The following NTRK2 variants were observed in gnomAD, a reference collection of about 807,000 sequenced individuals.
The protein encoded by NTRK2 is BDNF/NT-3 growth factors receptor.
Under a neutral mutation model 94.5 loss-of-function variants are expected in NTRK2, and 13 were observed. The ratio of observed to expected loss-of-function variants is 0.14; its 90% CI spans 0.09 to 0.22. The LOEUF is 0.22. Ranked by LOEUF, NTRK2 falls within the 10% of genes least tolerant of loss-of-function variation. The probability of loss-of-function intolerance (pLI) is 1.00; values close to 1 mark genes in which losing one functional copy is unlikely to be tolerated. For missense variants in NTRK2, 639 were observed against 1,071.2 expected, an observed-to-expected ratio of 0.60 and a Z score of 5.63; for synonymous variants, 372 against 407.4, an observed-to-expected ratio of 0.91 and a Z score of 1.05.
chr9:84,918,805 C>T (rs533773686), intron 14 of NTRK2, among the ~76,000 whole-genome samples: 1 of 152,182 alleles, frequency 6.6e-6, no homozygotes, highest in African/African-American at 2.4e-5. Flanking sequence ...ATTTTCATCA[C>T]TACCACTATA....
chr9:84,795,842 G>T (rs1477782506), intron 12 of NTRK2, among the ~76,000 whole-genome samples: 1 of 152,152 alleles, frequency 6.6e-6, no homozygotes, highest in Non-Finnish European at 1.5e-5. Flanking sequence ...GGGAGGTTTG[G>T]CTGCTCTCCT....
chr9:84,813,076 C>T (rs2071992692), intron 12 of NTRK2: 1 of 1,039,334 alleles, frequency 9.6e-7, no homozygotes, highest in Non-Finnish European at 1.2e-6. Context: ...TTAGAGCTTC[C>T]TAATGCATGT....
intron 12 of NTRK2, among the ~76,000 whole-genome samples, chr9:84,816,668 A>G (rs1389503589): frequency 3.3e-5 from 5 of 149,820 alleles, no homozygotes; most frequent in Non-Finnish European, 7.4e-5. Context: ...AATCTCACCT[A>G]TTCAGGAGGC....
rs1301754261 is a variant in NTRK2 at position 85,025,787 on chromosome 9, C to T, written c.*4350C>T. On this transcript the variant is annotated 3_prime_UTR_variant, in exon 19 of 19. Transcript: ENST00000277120. ...ATCTCATGAGAGGAATGGCTAGTGA[C>T]CCAACTCTCCAAATGTCTAAGTTAG... 4.3e-6 allele frequency: 1 copy of T among 232,892 alleles called. No individual in the cohort carries two copies. The highest frequency in any genetic ancestry group is 8.5e-6 in the Non-Finnish European group (1 of 117,946). The allele number at this position is 232,892 out of a possible 1,614,324, so 14.4% of individuals were successfully genotyped here.
chr9:84,945,954 T>C (rs974387669), intron 15 of NTRK2, among the ~76,000 whole-genome samples: 4 of 152,086 alleles, frequency 2.6e-5, no homozygotes, highest in African/African-American at 9.7e-5. Context: ...TCAGATCTGC[T>C]CCCTGGGGAA....
At chr9:84,675,852 A>G (rs1221841748) in intron 2 of NTRK2, among the ~76,000 whole-genome samples, 1 of 152,130 alleles carries the variant, frequency 6.6e-6, no homozygotes, top group East Asian at 1.9e-4. Context: ...ATCAATCTCC[A>G]TTAGAAAAGT....
intron 17 of NTRK2, among the ~76,000 whole-genome samples, chr9:84,982,746 T>C (rs541034726): frequency 3.3e-5 from 5 of 152,358 alleles, no homozygotes; most frequent in Admixed American, 2.6e-4. Flanking sequence ...GACAACTGTT[T>C]GACGTTCACC....
rs532074714 is a variant in NTRK2 at position 84,910,899 on chromosome 9, A to G, written c.1634-23263A>G. ...CTGTATGAATTTTGAATTTCCATAT[A>G]CATTTCAGAATAGTGTTGTCAATAT... On this transcript the variant is annotated intron_variant, in intron 14 of 18. Coordinates refer to ENST00000277120, the MANE Select transcript of NTRK2 (RefSeq NM_006180.6). Among the ~76,000 whole-genome samples the G allele has an allele frequency of 3.3e-5, 5 of 152,298 alleles. No individual in the cohort carries two copies. The South Asian group carries it at 1.0e-3, about 32-fold the overall frequency.
At chr9:84,772,926 C>T (rs1237781723) in intron 12 of NTRK2, among the ~76,000 whole-genome samples, 1 of 152,112 alleles carries the variant, frequency 6.6e-6, no homozygotes, top group East Asian at 1.9e-4. Context: ...GCCTTTGTGC[C>T]CTGCTGTGGG....
chr9:84,757,680 T>C (rs2065204877), intron 12 of NTRK2, among the ~76,000 whole-genome samples: 1 of 152,230 alleles, frequency 6.6e-6, no homozygotes, highest in African/African-American at 2.4e-5. Context: ...ATAAACCACT[T>C]GGGAATGTTT....
chr9:84,802,872 T>G (rs149676384), intron 12 of NTRK2, among the ~76,000 whole-genome samples: 1,723 of 152,306 alleles, frequency 0.011, 14 homozygotes, highest in South Asian at 0.041. Flanking sequence ...GCGTGGATTC[T>G]GTGCTCGTGA....
intron 9 of NTRK2, among the ~76,000 whole-genome samples, chr9:84,731,786 A>G (rs1036221730): frequency 6.6e-6 from 1 of 152,128 alleles, no homozygotes; most frequent in Admixed American, 6.5e-5. Context: ...GGCAGGCATT[A>G]AAAGAGAGCG....
intron 11 of NTRK2, among the ~76,000 whole-genome samples, chr9:84,749,589 G>GT (rs141256006): frequency 0.021 from 3,126 of 152,182 alleles, 114 homozygotes; most frequent in African/African-American, 0.072. Flanking sequence ...GTAAATCTTA[G>GT]TTTTTTCATC....
chr9:84,725,412 G>A (rs549831629), intron 8 of NTRK2, among the ~76,000 whole-genome samples: 14 of 152,258 alleles, frequency 9.2e-5, no homozygotes, highest in African/African-American at 3.4e-4. Flanking sequence ...ACATATGCAA[G>A]CACTTTCAAC....
At chr9:84,933,223 A>G (rs538262073) in intron 14 of NTRK2, among the ~76,000 whole-genome samples, 1 of 152,176 alleles carries the variant, frequency 6.6e-6, no homozygotes, top group Non-Finnish European at 1.5e-5. Context: ...CTCCCGTGCT[A>G]AGGGACTCAA....
chr9:84,809,825 TGAGCC>T (rs2071550560), intron 12 of NTRK2, among the ~76,000 whole-genome samples: 1 of 136,352 alleles, frequency 7.3e-6, no homozygotes, highest in Non-Finnish European at 1.5e-5. Flanking sequence ...GAGGTTGCAG[TGAGCC>T]GAGATCTCAC....
intron 11 of NTRK2, among the ~76,000 whole-genome samples, chr9:84,746,388 C>G (rs1303531186): frequency 6.6e-6 from 1 of 152,134 alleles, no homozygotes; most frequent in Non-Finnish European, 1.5e-5. Context: ...TGGCCCTTTA[C>G]AAGGAAAGTT....
chr9:84,879,857 T>C (rs1010914852), intron 14 of NTRK2, among the ~76,000 whole-genome samples: 4 of 152,136 alleles, frequency 2.6e-5, no homozygotes, highest in Non-Finnish European at 4.4e-5. Context: ...AGTGTCCACA[T>C]GGTGGGTGCT....
chr9:84,681,675 C>T (rs988122025), intron 2 of NTRK2, among the ~76,000 whole-genome samples: 4 of 152,146 alleles, frequency 2.6e-5, no homozygotes, highest in South Asian at 2.1e-4. Flanking sequence ...TTCGCATCCC[C>T]GCCTCCAGTC....
Sources: gnomAD v4.1 joint callset for allele counts (sites outside exome capture counted in the v4.1 genomes callset) on GRCh38, gnomAD v4.1.1 for gene constraint, MANE v1.5 for transcripts, NCBI Gene and HGNC (gene_info 2026-07-23, HGNC 2026-07-21) for gene names.